The following KCNQ1 variants were observed in gnomAD, a reference collection of about 807,000 sequenced individuals.
The protein encoded by KCNQ1 is potassium voltage-gated channel subfamily Q member 1.
A neutral mutation model predicts 72.4 loss-of-function variants in KCNQ1; 49 were observed. The ratio of observed to expected loss-of-function variants is 0.68; its 90% CI spans 0.54 to 0.86. The LOEUF is 0.86. Ranked by LOEUF, KCNQ1 falls within the 40% of genes least tolerant of loss-of-function variation. KCNQ1 has a pLI of 0.00. For missense variants in KCNQ1, 790 were observed against 945.1 expected (o/e 0.84, Z 2.15); for synonymous variants, 450 against 412.6 (o/e 1.09, Z -1.10).
rs1404562913 is a variant in KCNQ1, at chr11:2,818,739, G to C, written c.1795-29028G>C. Among the ~76,000 whole-genome samples the C allele has an allele frequency of 6.6e-6, 1 of 151,594 alleles. No individual in the cohort carries two copies. The highest frequency in any genetic ancestry group is 2.4e-5 in the African/African-American group (1 of 41,182). On this transcript the variant is annotated intron_variant, in intron 15 of 15. Transcript: ENST00000155840. This position sits in a 1 kb window ranked among gnomAD's most constrained non-coding sequence, Gnocchi z 7.2. The stretch of plus-strand genomic sequence containing the variant: ...GCCCCTACCCTAGTCTGATGACCCA[G>C]GCCTTTCCCCCTGCCCAGGCTAGCC...
intron 11 of KCNQ1, among the ~76,000 whole-genome samples, chr11:2,705,100 G>A (rs995231766): frequency 6.6e-6 from 1 of 152,194 alleles, no homozygotes; most frequent in Non-Finnish European, 1.5e-5. Flanking sequence ...CCCCATTCCA[G>A]GACAGTCTCA....
At chr11:2,590,963 C>T (rs752347067) in intron 10 of KCNQ1, among the ~76,000 whole-genome samples, 7 of 152,268 alleles carry the variant, frequency 4.6e-5, no homozygotes, top group Non-Finnish European at 1.0e-4. Flanking sequence ...TGTGTATGTG[C>T]TCAGCCATCC....
At chr11:2,448,561 C>G (rs1164819105) in intron 1 of KCNQ1, among the ~76,000 whole-genome samples, 1 of 152,224 alleles carries the variant, frequency 6.6e-6, no homozygotes, top group Non-Finnish European at 1.5e-5. Context: ...GAAGCAGCTG[C>G]TGGGCAGTTG....
chr11:2,589,179 C>T (rs1434692775), intron 10 of KCNQ1, among the ~76,000 whole-genome samples: 1 of 152,178 alleles, frequency 6.6e-6, no homozygotes, highest in Non-Finnish European at 1.5e-5. Flanking sequence ...GCCGAGCCCA[C>T]GGGCTCTGGT....
intron 1 of KCNQ1, among the ~76,000 whole-genome samples, chr11:2,456,651 G>A (rs1490180983): frequency 2.0e-5 from 3 of 151,028 alleles, no homozygotes; most frequent in South Asian, 2.1e-4. Context: ...GCCGGGCGCG[G>A]TGGCTCACGC....
At chr11:2,799,232 G>A (rs189896084) in intron 15 of KCNQ1, among the ~76,000 whole-genome samples, 49 of 152,372 alleles carry the variant, frequency 3.2e-4, no homozygotes, top group Non-Finnish European at 6.3e-4. Flanking sequence ...GGCAGGGGCC[G>A]GACCACGGGG....
rs996622301 is a variant in KCNQ1, at chr11:2,746,601, C to T, written c.1515-22243C>T. The stretch of plus-strand genomic sequence containing the variant: ...TAGGATCCGTCTGCTGCTGTCCTCA[C>T]GATTCGACTGGGCTGTGGGTGTGAG... On this transcript the variant is annotated intron_variant, in intron 11 of 15. Coordinates refer to ENST00000155840, the MANE Select transcript of KCNQ1 (RefSeq NM_000218.3). The surrounding 1 kb of genome is among the most constrained non-coding windows in gnomAD (Gnocchi z 5.9). Among the ~76,000 whole-genome samples, 1 of 152,148 alleles carries T rather than the reference C, an allele frequency of 6.6e-6. No individual in the cohort carries two copies. Among genetic ancestry groups the T allele is most frequent in the African/African-American group, 2.4e-5 (1 of 41,426 alleles).
intron 10 of KCNQ1, chr11:2,649,813 T>C (rs1229462626): frequency 5.0e-6 from 2 of 398,442 alleles, no homozygotes; most frequent in African/African-American, 4.1e-5. Flanking sequence ...TTTGTGAGCT[T>C]CCTTTATCTG....
chr11:2,622,775 A>C (rs1042618921), intron 10 of KCNQ1: 2 of 398,506 alleles, frequency 5.0e-6, no homozygotes, highest in African/African-American at 4.1e-5. Context: ...GTAAGTACAG[A>C]GATTTCCCGT....
intron 1 of KCNQ1, among the ~76,000 whole-genome samples, chr11:2,454,737 AC>A (rs1481628511): frequency 1.3e-5 from 2 of 152,100 alleles, no homozygotes; most frequent in African/African-American, 4.8e-5. Context: ...TCATTAAAAA[AC>A]CCTCAACAAA....
Position 2,494,773 on chromosome 11 carries a change from C to T in KCNQ1, c.387-33155C>T, listed in dbSNP as rs560773425. 6.6e-6 allele frequency among the ~76,000 whole-genome samples: 1 copy of T among 152,118 alleles called. No homozygotes were observed. The highest frequency in any genetic ancestry group is 2.4e-5 in the African/African-American group (1 of 41,426). On this transcript the variant is annotated intron_variant, in intron 1 of 15. Transcript: ENST00000155840. The surrounding 1 kb of genome is among the most constrained non-coding windows in gnomAD (Gnocchi z 4.6). ...TTTATTGAAGATTTTTGCATCGGTG[C>T]TCATCAGGGATATTGGCCTGAAGTT...
At chr11:2,837,093 C>T (rs559814066) in intron 15 of KCNQ1, among the ~76,000 whole-genome samples, 29 of 152,186 alleles carry the variant, frequency 1.9e-4, no homozygotes, top group South Asian at 1.2e-3. Context: ...GGATGGGGCA[C>T]GTAGGGCGGA....
At chr11:2,736,963 C>A (rs1381445246) in intron 11 of KCNQ1, among the ~76,000 whole-genome samples, 1 of 152,210 alleles carries the variant, frequency 6.6e-6, no homozygotes, top group Non-Finnish European at 1.5e-5. Context: ...CCAGTCCCGA[C>A]CCCCACCGCC....
In KCNQ1 at chr11:2,463,373, C is replaced by T. The variant is rs1044016282; in HGVS notation, c.386+17889C>T. Among the ~76,000 whole-genome samples, 2 of 152,186 alleles carry T rather than the reference C, an allele frequency of 1.3e-5. No homozygotes were observed. Among genetic ancestry groups the T allele is most frequent in the African/African-American group, 2.4e-5 (1 of 41,452 alleles). ...CCCCCTCTATCCCCCAGATCGGCGG[C>T]TGCTCAAGGAGCCTGGTACAGCTGC... On this transcript the variant is annotated intron_variant, in intron 1 of 15. Coordinates refer to ENST00000155840, the MANE Select transcript of KCNQ1 (RefSeq NM_000218.3). The surrounding 1 kb of genome is among the most constrained non-coding windows in gnomAD (Gnocchi z 7.0).
In KCNQ1 at chr11:2,585,267, A is replaced by G; in HGVS notation, c.1088A>G (p.His363Arg). 1 of 1,614,072 alleles carries G rather than the reference A, an allele frequency of 6.2e-7. No homozygotes were observed. The highest frequency in any genetic ancestry group is 8.5e-7 in the Non-Finnish European group (1 of 1,180,012). Residue 363 changes from histidine (H) to arginine (R), a missense_variant, in exon 8 of 16, where the codon CAC becomes CGC. Physicochemically the swap from His to Arg is conservative, Grantham distance 29. Coordinates refer to ENST00000155840, the MANE Select transcript of KCNQ1 (RefSeq NM_000218.3). ...GTGCAGCAGAAGCAGAGGCAGAAGC[A>G]CTTCAACCGGCAGATCCCGGCGGCA... Reference protein sequence around the residue: ...LKVQQKQRQKHFNRQIPAAAS... With the variant: ...LKVQQKQRQKRFNRQIPAAAS...
chr11:2,490,987 T>C (rs1046755954), intron 1 of KCNQ1, among the ~76,000 whole-genome samples: 1 of 152,228 alleles, frequency 6.6e-6, no homozygotes, highest in African/African-American at 2.4e-5. Context: ...ATTACAGGCG[T>C]GAGCCACTGC....
Position 2,695,333 on chromosome 11 carries a change from T to C in KCNQ1, c.1514+33252T>C, listed in dbSNP as rs771892667. On this transcript the variant is annotated intron_variant, in intron 11 of 15. Coordinates refer to ENST00000155840, the MANE Select transcript of KCNQ1 (RefSeq NM_000218.3). This position sits in a 1 kb window ranked among gnomAD's most constrained non-coding sequence, Gnocchi z 5.2. ...AGGGTAATTTATTTATATCATTGTG[T>C]GTGTGTGTGTGCACTCACGAGCACT... The C allele has an allele frequency of 1.8e-5, 7 of 398,394 alleles. No homozygotes were observed. Among genetic ancestry groups the C allele is most frequent in the Non-Finnish European group, 2.7e-5 (6 of 226,094 alleles). The allele number at this position is 398,394 out of a possible 1,614,324, so 24.7% of individuals were successfully genotyped here. A position where few individuals can be genotyped will look rare whatever the true frequency, so the allele number is the denominator to read the frequency against.
At chr11:2,459,797 A>G (rs1846247964) in intron 1 of KCNQ1, among the ~76,000 whole-genome samples, 1 of 151,670 alleles carries the variant, frequency 6.6e-6, no homozygotes, top group African/African-American at 2.4e-5. Context: ...TCAGGCAGGG[A>G]TTCCCTTCTG....
intron 11 of KCNQ1, chr11:2,681,361 C>G: frequency 5.0e-6 from 2 of 398,520 alleles, no homozygotes; most frequent in Non-Finnish European, 8.8e-6. Context: ...TCCCTGCTCA[C>G]TCCATGTGGA....
Sources: gnomAD v4.1 joint callset for allele counts (sites outside exome capture counted in the v4.1 genomes callset) on GRCh38, gnomAD v4.1.1 for gene constraint, Gnocchi (gnomAD v3.1) non-coding constraint, MANE v1.5 for transcripts, NCBI Gene and HGNC (gene_info 2026-07-23, HGNC 2026-07-21) for gene names.